The following MACROD1 variants were observed in gnomAD, a reference collection of about 807,000 sequenced individuals.
The protein encoded by MACROD1 is ADP-ribose glycohydrolase MACROD1.
Under a neutral mutation model 41.4 loss-of-function variants are expected in MACROD1, and 31 were observed. That is an observed-to-expected ratio of 0.75 (90% CI 0.56 to 1.01). The LOEUF (loss-of-function observed/expected upper bound fraction) is 1.01, where lower values mean the gene tolerates loss of function less well. MACROD1 is among the 50% of genes least tolerant of loss of function. MACROD1 has a pLI of 0.00. For missense variants in MACROD1, 473 were observed against 460.0 expected (o/e 1.03, Z -0.26); for synonymous variants, 252 against 203.4 (o/e 1.24, Z -2.03).
chr11:64,078,347 C>T (rs538946300), intron 3 of MACROD1, among the ~76,000 whole-genome samples: 1 of 152,362 alleles, frequency 6.6e-6, no homozygotes, highest in South Asian at 2.1e-4. Context: ...CCTCCCAGTC[C>T]CTGGCCCGTC....
chr11:64,146,431 G>A lies in MACROD1; in HGVS notation c.517+4808C>T, dbSNP rs954951432. ...AGCCCAATTTCATTAAGACGGATGCGCCATGCTCCTGTGGGCAGGAGCCGT... is the reference window on the plus strand; with the variant it reads ...AGCCCAATTTCATTAAGACGGATGCACCATGCTCCTGTGGGCAGGAGCCGT... On this transcript the variant is annotated intron_variant, in intron 3 of 10. Coordinates refer to ENST00000255681, the MANE Select transcript of MACROD1 (RefSeq NM_014067.4). This position sits in a 1 kb window ranked among gnomAD's most constrained non-coding sequence, Gnocchi z 4.7. Among the ~76,000 whole-genome samples, 4 of 152,130 alleles carry A rather than the reference G, an allele frequency of 2.6e-5. No individual in the cohort carries two copies. Among genetic ancestry groups the A allele is most frequent in the East Asian group, 1.9e-4 (1 of 5,190 alleles).
intron 3 of MACROD1, among the ~76,000 whole-genome samples, chr11:64,105,121 T>C (rs1427908721): frequency 6.6e-6 from 1 of 152,238 alleles, no homozygotes; most frequent in African/African-American, 2.4e-5. Context: ...GCCACCGGTG[T>C]GAAAGATGCC....
intron 3 of MACROD1, among the ~76,000 whole-genome samples, chr11:64,050,145 C>CACCCTGCCA (rs1201216553): frequency 1.7e-4 from 26 of 152,258 alleles, no homozygotes; most frequent in Middle Eastern, 3.4e-3. Flanking sequence ...GGTGCAGGCT[C>CACCCTGCCA]CGTCTTCACC....
At chr11:64,076,429 C>T (rs1944201757) in intron 3 of MACROD1, among the ~76,000 whole-genome samples, 1 of 152,114 alleles carries the variant, frequency 6.6e-6, no homozygotes, top group Non-Finnish European at 1.5e-5. Flanking sequence ...AGGTGGTCAA[C>T]TGTACTGGAT....
chr11:64,087,560 C>T (rs539869062), intron 3 of MACROD1, among the ~76,000 whole-genome samples: 5 of 152,340 alleles, frequency 3.3e-5, no homozygotes, highest in East Asian at 3.9e-4. Flanking sequence ...AAGAAATGGG[C>T]GCAGCTGGTA....
At position 64,015,262 on chromosome 11, in the gene MACROD1, T is replaced by A; in HGVS notation, c.537A>T (p.Gly179=). 1 of 1,603,322 alleles carries A rather than the reference T, an allele frequency of 6.2e-7. No homozygotes were observed. Among genetic ancestry groups the A allele is most frequent in the Non-Finnish European group, 8.5e-7 (1 of 1,175,010 alleles). The change falls in exon 4 of 11, where the codon GGA becomes GGT. Residue 179 remains glycine (G), a synonymous_variant. Coordinates refer to ENST00000255681, the MANE Select transcript of MACROD1 (RefSeq NM_014067.4). ...IVNAANSSLL[G]GGGVDGCIHR... is the part of the protein sequence containing the mutation. ...AGAAGGTCCACTCACCGCCACCGCCTCCGAGCAGGGAGCTGTTGGCTGCAA... is the reference window on the plus strand; with the variant it reads ...AGAAGGTCCACTCACCGCCACCGCCACCGAGCAGGGAGCTGTTGGCTGCAA...
intron 3 of MACROD1, among the ~76,000 whole-genome samples, chr11:64,058,616 C>T (rs1245281221): frequency 6.6e-6 from 1 of 152,258 alleles, no homozygotes; most frequent in Non-Finnish European, 1.5e-5. Context: ...GGGCACGGCC[C>T]TGTAATTGGG....
In MACROD1 at chr11:63,999,898, C is replaced by G; in HGVS notation, c.665-135G>C. 3.7e-6 allele frequency: 4 copies of G among 1,075,074 alleles called. No homozygotes were observed. In the South Asian group the frequency reaches 6.6e-5, roughly 18 times the overall value. 66.6% of individuals were successfully genotyped at this position (1,075,074 alleles called of 1,614,324 possible). On this transcript the variant is annotated intron_variant, in intron 5 of 10. Transcript: ENST00000255681. Reference sequence around the variant, plus strand: ...GCGCTGAGCCTCCTCCGCGAAGGCCCCCACCCCTGTGGGCCCCCTCGAGCC... The same window carrying G: ...GCGCTGAGCCTCCTCCGCGAAGGCCGCCACCCCTGTGGGCCCCCTCGAGCC...
chr11:64,119,917 G>C (rs758899260), intron 3 of MACROD1, among the ~76,000 whole-genome samples: 161 of 151,818 alleles, frequency 1.1e-3, no homozygotes, highest in Non-Finnish European at 2.0e-3. Context: ...CTGCGTCCCA[G>C]TACTCAGGGA....
intron 3 of MACROD1, among the ~76,000 whole-genome samples, chr11:64,097,894 G>T (rs972071140): frequency 6.6e-6 from 1 of 152,180 alleles, no homozygotes; most frequent in Admixed American, 6.5e-5. Context: ...GGCTCTCTTG[G>T]TGGTGCTCCT....
intron 3 of MACROD1, among the ~76,000 whole-genome samples, chr11:64,145,594 C>T (rs992459180): frequency 6.6e-6 from 1 of 152,182 alleles, no homozygotes; most frequent in Non-Finnish European, 1.5e-5. Context: ...GGGACCCTGA[C>T]CTGCTCCTGG....
chr11:64,000,324 C>T lies in MACROD1; in HGVS notation c.567G>A (p.Arg189=). 1 of 1,586,604 alleles carries T rather than the reference C, an allele frequency of 6.3e-7. No individual in the cohort carries two copies. The highest frequency in any genetic ancestry group is 1.4e-5 in the African/African-American group (1 of 74,068). The change falls in exon 5 of 11, where the codon CGG becomes CGA. Residue 189 remains arginine (R), a synonymous_variant. Coordinates refer to ENST00000255681, the MANE Select transcript of MACROD1 (RefSeq NM_014067.4). ...CGTCGGTAAGCAGGGGGCCGGCGGC[C>T]CGATGAATGCAGCCGTCCACTGCGG... ...GGGGVDGCIH[R]AAGPLLTDEC... is the part of the protein sequence containing the mutation.
intron 3 of MACROD1, among the ~76,000 whole-genome samples, chr11:64,088,332 G>A (rs1356339755): frequency 1.3e-5 from 2 of 152,294 alleles, no homozygotes; most frequent in South Asian, 2.1e-4. Flanking sequence ...GGCCAGGGAG[G>A]GGCAGCATAG....
chr11:64,151,264 C>T lies in MACROD1; in HGVS notation c.492G>A (p.Leu164=). The change falls in exon 3 of 11, where the codon CTG becomes CTA. Residue 164 remains leucine, a synonymous_variant. Coordinates refer to ENST00000255681, the MANE Select transcript of MACROD1 (RefSeq NM_014067.4). ...ISLLRSDITK[L]EVDAIVNAAN... ...CGGCGTTGACGATGGCGTCCACCTC[C>T]AGCTTGGTGATGTCGCTGCGGAGCA... The T allele has an allele frequency of 6.2e-7, 1 of 1,613,804 alleles. No homozygotes were observed. Among genetic ancestry groups the T allele is most frequent in the South Asian group, 1.1e-5 (1 of 91,090 alleles).
chr11:64,060,136 G>C (rs1313722112), intron 3 of MACROD1, among the ~76,000 whole-genome samples: 1 of 152,260 alleles, frequency 6.6e-6, no homozygotes, highest in Non-Finnish European at 1.5e-5. Flanking sequence ...TTTAATTAGT[G>C]TTCTGTCAAG....
intron 3 of MACROD1, among the ~76,000 whole-genome samples, chr11:64,113,725 T>C (rs1347409182): frequency 7.8e-6 from 1 of 128,298 alleles, no homozygotes; most frequent in Non-Finnish European, 1.6e-5. Context: ...ATGCATGGAT[T>C]GATACATGGA....
chr11:64,066,443 G>A (rs756994675), intron 3 of MACROD1, among the ~76,000 whole-genome samples: 5 of 150,538 alleles, frequency 3.3e-5, no homozygotes, highest in Admixed American at 6.6e-5. Context: ...CAAGAACCCC[G>A]CTATCTCTAC....
intron 3 of MACROD1, chr11:64,035,855 C>G (rs917648437): frequency 1.4e-5 from 2 of 146,654 alleles, no homozygotes; most frequent in African/African-American, 4.9e-5. Flanking sequence ...CTCGCGCGGG[C>G]ACCGCCGCTG....
chr11:64,138,611 C>T (rs1299094487), intron 3 of MACROD1: 2 of 937,272 alleles, frequency 2.1e-6, no homozygotes, highest in East Asian at 1.2e-4. Context: ...TGGCTGACAG[C>T]CGGGCCTCTC....
Sources: allele counts gnomAD v4.1 joint callset (sites outside exome capture counted in the v4.1 genomes callset), GRCh38; gene constraint gnomAD v4.1.1; non-coding constraint Gnocchi (gnomAD v3.1); transcripts MANE v1.5; gene names NCBI Gene and HGNC (gene_info 2026-07-23, HGNC 2026-07-21).